The following NEK1 variants were observed in gnomAD, a reference collection of about 807,000 sequenced individuals.
NEK1 encodes the protein NIMA related kinase 1, also known as serine/threonine-protein kinase Nek1.
NEK1 carries 137 observed loss-of-function variants against 182.1 expected under a neutral mutation model. The observed-to-expected ratio is 0.75, with a 90% CI of 0.65 to 0.87. The LOEUF (loss-of-function observed/expected upper bound fraction) is 0.87, where lower values mean the gene tolerates loss of function less well. Ranked by LOEUF, NEK1 falls within the 40% of genes least tolerant of loss-of-function variation. NEK1 has a pLI of 0.00. For synonymous variants in NEK1, 513 were observed against 492.2 expected, an observed-to-expected ratio of 1.04 and a Z score of -0.56; for missense variants, 1,391 against 1,494.4, an observed-to-expected ratio of 0.93 and a Z score of 1.14.
At chr4:169,569,456 CT>C (rs1764271180) in intron 12 of NEK1, among the ~76,000 whole-genome samples, 1 of 132,990 alleles carries the variant, frequency 7.5e-6, no homozygotes. Context: ...CCCTCCCTCC[CT>C]CTCTCCCTCC....
intron 16 of NEK1, among the ~76,000 whole-genome samples, chr4:169,560,411 T>TTC (rs1251690945): frequency 6.6e-6 from 1 of 152,154 alleles, no homozygotes; most frequent in Non-Finnish European, 1.5e-5. Context: ...GTGAGCAGAA[T>TTC]TCTCTCTCTC....
chr4:169,500,411 A>T (rs1752216651), intron 23 of NEK1, among the ~76,000 whole-genome samples: 1 of 152,086 alleles, frequency 6.6e-6, no homozygotes. Context: ...ACTGTCCTGC[A>T]CCCACTGTCT....
At chr4:169,495,002 A>T (rs1750897955) in intron 23 of NEK1, among the ~76,000 whole-genome samples, 2 of 152,134 alleles carry the variant, frequency 1.3e-5, no homozygotes, top group Admixed American at 6.5e-5. Flanking sequence ...CCTTTGTCAG[A>T]TGAGTAGGTT....
intron 27 of NEK1, among the ~76,000 whole-genome samples, chr4:169,462,689 AG>A (rs949557403): frequency 2.6e-5 from 4 of 152,176 alleles, no homozygotes; most frequent in Admixed American, 2.6e-4. Flanking sequence ...TTCTAAAAAG[AG>A]GAAAAGTACA....
intron 27 of NEK1, among the ~76,000 whole-genome samples, chr4:169,452,466 T>A (rs550661999): frequency 1.3e-5 from 2 of 152,186 alleles, no homozygotes; most frequent in Non-Finnish European, 2.9e-5. Flanking sequence ...TTATCCACCA[T>A]GATCAAGTTG....
intron 27 of NEK1, among the ~76,000 whole-genome samples, chr4:169,449,300 C>G (rs1353346509): frequency 3.9e-5 from 6 of 152,226 alleles, no homozygotes; most frequent in Non-Finnish European, 8.8e-5. Context: ...CTGAAGAGAG[C>G]AGTGGTTCTC....
At chr4:169,599,059 CAAT>C (rs778438686) in intron 5 of NEK1, 38 bp downstream of exon 5, 360 of 1,485,694 alleles carry the variant, frequency 2.4e-4, no homozygotes, top group South Asian at 4.3e-4. Context: ...AACTACTTCT[CAAT>C]AATAGAGTAA....
intron 35 of NEK1, among the ~76,000 whole-genome samples, chr4:169,396,955 G>C (rs901999714): frequency 6.6e-6 from 1 of 152,172 alleles, no homozygotes; most frequent in African/African-American, 2.4e-5. Flanking sequence ...GGTAGGCTGG[G>C]TGCGGTGGGT....
chr4:169,587,061 C>T (rs1003446036), intron 9 of NEK1, among the ~76,000 whole-genome samples: 6 of 151,828 alleles, frequency 4.0e-5, no homozygotes, highest in Non-Finnish European at 8.8e-5. Flanking sequence ...AACCCTCCCC[C>T]TTTTTAGTGT....
chr4:169,471,527 C>T (rs1223972631), intron 26 of NEK1, among the ~76,000 whole-genome samples: 1 of 152,106 alleles, frequency 6.6e-6, no homozygotes, highest in Non-Finnish European at 1.5e-5. Flanking sequence ...CCGCCAGATG[C>T]CAGCTGAAGT....
At chr4:169,510,882 C>T (rs186429774) in intron 19 of NEK1, among the ~76,000 whole-genome samples, 1 of 152,220 alleles carries the variant, frequency 6.6e-6, no homozygotes, top group Admixed American at 6.6e-5. Flanking sequence ...GTATCTCACC[C>T]CAGAAGCCTC....
intron 27 of NEK1, among the ~76,000 whole-genome samples, chr4:169,457,011 CTG>C (rs1743008937): frequency 6.6e-6 from 1 of 152,024 alleles, no homozygotes; most frequent in African/African-American, 2.4e-5. Context: ...ATTAAAATAA[CTG>C]AACTCATGGT....
intron 19 of NEK1, among the ~76,000 whole-genome samples, chr4:169,513,803 A>G (rs924913110): frequency 2.0e-5 from 3 of 151,470 alleles, no homozygotes; most frequent in Non-Finnish European, 2.9e-5. Context: ...TTTTCAAAAG[A>G]TTTTCTGTAT....
In NEK1 at chr4:169,503,412, CAA is replaced by C. The variant is rs1362743176; in HGVS notation, c.2007+3623_2007+3624del. ...AGAACCACAAAAGACCCAGAATAGCCAAAGTTATCCTGAGCAAAAAGAACAAA... is the reference window on the plus strand; with the variant it reads ...AGAACCACAAAAGACCCAGAATAGCCAGTTATCCTGAGCAAAAAGAACAAA... On this transcript the variant is annotated intron_variant, in intron 23 of 35. Transcript: ENST00000507142. 7.2e-5 allele frequency among the ~76,000 whole-genome samples: 11 copies of C among 152,044 alleles called. No homozygotes were observed. In the East Asian group the frequency reaches 2.1e-3, roughly 29 times the overall value.
At chr4:169,420,412 A>C (rs1735290123) in intron 31 of NEK1, among the ~76,000 whole-genome samples, 1 of 152,228 alleles carries the variant, frequency 6.6e-6, no homozygotes. Flanking sequence ...TATTGTTGTC[A>C]AGCATTAGGT....
intron 30 of NEK1, 127 bp from the exon 31 acceptor site, chr4:169,424,927 A>G: frequency 1.1e-6 from 1 of 912,306 alleles, no homozygotes; most frequent in Non-Finnish European, 1.6e-6. Flanking sequence ...AATAAAATCA[A>G]AATATGTGTG....
chr4:169,415,869 A>G (rs1034028861), intron 31 of NEK1, among the ~76,000 whole-genome samples: 8 of 152,194 alleles, frequency 5.3e-5, no homozygotes, highest in East Asian at 1.9e-4. Context: ...ATGCCTTAGT[A>G]TCATGATCCA....
At chr4:169,502,054 G>A (rs1036621937) in intron 23 of NEK1, among the ~76,000 whole-genome samples, 4 of 151,932 alleles carry the variant, frequency 2.6e-5, no homozygotes, top group African/African-American at 9.6e-5. Flanking sequence ...AAATAACAAA[G>A]GTGACATTAC....
chr4:169,591,358 C>T (rs545988654), intron 5 of NEK1, among the ~76,000 whole-genome samples: 7 of 151,954 alleles, frequency 4.6e-5, no homozygotes, highest in African/African-American at 1.2e-4. Context: ...CACTATGTTG[C>T]CCAGGCTAGT....
Sources: allele counts gnomAD v4.1 joint callset (sites outside exome capture counted in the v4.1 genomes callset), GRCh38; gene constraint gnomAD v4.1.1; transcripts MANE v1.5; gene names NCBI Gene and HGNC (gene_info 2026-07-23, HGNC 2026-07-21).